The following JPT2 variants were observed in gnomAD, a reference collection of about 807,000 sequenced individuals.
JPT2 encodes Jupiter microtubule associated homolog 2.
A neutral mutation model predicts 15.9 loss-of-function variants in JPT2; 9 were observed. That is an observed-to-expected ratio of 0.57 (90% confidence interval 0.34 to 0.99). The LOEUF (loss-of-function observed/expected upper bound fraction) is 0.99, where lower values mean the gene tolerates loss of function less well. Ranked by LOEUF, JPT2 falls within the 50% of genes least tolerant of loss-of-function variation. The probability of loss-of-function intolerance (pLI) is 0.02; values close to 1 mark genes in which losing one functional copy is unlikely to be tolerated. For missense variants in JPT2, 267 were observed against 252.1 expected (o/e 1.06, Z -0.40); for synonymous variants, 95 against 91.7 (o/e 1.04, Z -0.21).
At position 1,685,563 on chromosome 16, in the gene JPT2, A is replaced by C; in HGVS notation, c.169A>C (p.Ile57Leu). 6.2e-7 allele frequency: 1 copy of C among 1,614,130 alleles called. No homozygotes were observed. Among genetic ancestry groups the C allele is most frequent in the Non-Finnish European group, 8.5e-7 (1 of 1,180,002 alleles). The change falls in exon 2 of 5, where the codon ATA becomes CTA. Residue 57 changes from isoleucine to leucine, a missense_variant. Coordinates refer to ENST00000248098, the MANE Select transcript of JPT2 (RefSeq NM_144570.3). The stretch of plus-strand genomic sequence containing the variant: ...TGGACCAACAGAAGAACCTCAGAAC[A>C]TACCCAAGAGGACAAATCCCCCAGG... Reference protein sequence around the residue: ...IFGPTEEPQNIPKRTNPPGGK... With the variant: ...IFGPTEEPQNLPKRTNPPGGK...
At chr16:1,684,828 T>C (rs960929590) in intron 1 of JPT2, among the ~76,000 whole-genome samples, 9 of 151,858 alleles carry the variant, frequency 5.9e-5, no homozygotes, top group Non-Finnish European at 1.0e-4. Context: ...GGAGAATCAC[T>C]TGAACCCAGG....
intron 1 of JPT2, 78 bp downstream of exon 1, chr16:1,678,434 A>G: frequency 1.8e-6 from 1 of 548,900 alleles, no homozygotes; most frequent in Non-Finnish European, 2.4e-6. Flanking sequence ...GGCGTCCACC[A>G]GCCGTGTGGG....
downstream of JPT2, chr16:1,702,297 T>C (rs1019410525): frequency 5.0e-5 from 20 of 402,162 alleles, no homozygotes; most frequent in African/African-American, 4.1e-4. Context: ...CGTCTTCACT[T>C]GTTCATCCAC....
intron 1 of JPT2, among the ~76,000 whole-genome samples, chr16:1,684,356 G>A (rs1477473541): frequency 6.6e-6 from 1 of 152,110 alleles, no homozygotes; most frequent in Non-Finnish European, 1.5e-5. Flanking sequence ...TGAATTCAGC[G>A]TTTCACCGGT....
intron 1 of JPT2, chr16:1,683,563 T>C: frequency 1.3e-6 from 2 of 1,535,484 alleles, no homozygotes; most frequent in Non-Finnish European, 1.7e-6. Flanking sequence ...GCCTCCTGAG[T>C]GGACAGGGGC....
chr16:1,680,478 C>T (rs1322040692), intron 1 of JPT2: 1 of 1,243,644 alleles, frequency 8.0e-7, no homozygotes, highest in Admixed American at 2.6e-5. Flanking sequence ...GAAGGAAAGC[C>T]GGTCTGAACT....
Position 1,678,321 on chromosome 16 carries a change from G to T in JPT2, c.9G>T (p.Gln3His). 2 of 1,237,814 alleles carry T rather than the reference G, an allele frequency of 1.6e-6. No homozygotes were observed. The highest frequency in any genetic ancestry group is 3.2e-5 in the East Asian group (1 of 31,522). 76.7% of individuals were successfully genotyped at this position (1,237,814 alleles called of 1,614,324 possible). A position where few individuals can be genotyped will look rare whatever the true frequency, so the allele number is the denominator to read the frequency against. ...GGGTGGCGGCGGTCGACATGTTCCA[G>T]GTCCCGGATAGCGAGGGCGGCCGCG... MF[Q>H]VPDSEGGRAG... Residue 3 changes from glutamine to histidine, a missense_variant, in exon 1 of 5, where the codon CAG becomes CAT. Transcript: ENST00000248098.
chr16:1,678,975 T>G (rs1051371342), intron 1 of JPT2, among the ~76,000 whole-genome samples: 11 of 152,212 alleles, frequency 7.2e-5, no homozygotes, highest in African/African-American at 2.4e-4. Context: ...TTCTATCTCC[T>G]GGGAAGGTGG....
chr16:1,678,526 G>A (rs1031686101), intron 1 of JPT2, among the ~76,000 whole-genome samples, 170 bp downstream of exon 1: 2 of 152,118 alleles, frequency 1.3e-5, no homozygotes, highest in African/African-American at 2.4e-5. Flanking sequence ...CCGCCAGACC[G>A]AGGCCCGAAG....
chr16:1,679,770 C>G (rs1324043771), intron 1 of JPT2, among the ~76,000 whole-genome samples: 1 of 151,050 alleles, frequency 6.6e-6, no homozygotes, highest in African/African-American at 2.4e-5. Flanking sequence ...AAATAATTAC[C>G]CGTGGCAGGG....
chr16:1,683,738 G>A (rs950861850), intron 1 of JPT2: 9 of 611,826 alleles, frequency 1.5e-5, no homozygotes, highest in East Asian at 5.8e-5. Context: ...AGCCCTCAGC[G>A]CTCTTTCTAG....
At chr16:1,685,693 A>G in intron 2 of JPT2, 106 bp downstream of exon 2, 1 of 1,219,704 alleles carries the variant, frequency 8.2e-7, no homozygotes, top group Non-Finnish European at 1.1e-6. Flanking sequence ...TGGTTCAGGT[A>G]ATCACTTGTT....
chr16:1,684,313 C>G (rs1243318042), intron 1 of JPT2, among the ~76,000 whole-genome samples: 1 of 152,176 alleles, frequency 6.6e-6, no homozygotes, highest in African/African-American at 2.4e-5. Context: ...AAGCCTCTCT[C>G]TCAAATGCAT....
At position 1,696,360 on chromosome 16, in the gene JPT2, G is replaced by A. The variant is rs112755080; in HGVS notation, c.337-1452G>A. On this transcript the variant is annotated intron_variant, in intron 3 of 4. Coordinates refer to ENST00000248098, the MANE Select transcript of JPT2 (RefSeq NM_144570.3). ...ATCCTGGCTAACATGGTGAAACCCC[G>A]TCTCTACTAAAAATACAAAAAAAGT... Among the ~76,000 whole-genome samples the A allele has an allele frequency of 6.4e-3, 972 of 151,998 alleles. 10 individuals carry two copies. The highest frequency in any genetic ancestry group is 0.022 in the African/African-American group (923 of 41,446).
At chr16:1,683,336 C>T (rs1297906329) in intron 1 of JPT2, among the ~76,000 whole-genome samples, 1 of 152,128 alleles carries the variant, frequency 6.6e-6, no homozygotes, top group African/African-American at 2.4e-5. Context: ...GTCTCGAACT[C>T]CTGGGCTCAA....
rs530937320 is a variant in JPT2 at position 1,698,875 on chromosome 16, C to T, written c.450C>T (p.Pro150=). Residue 150 remains proline (P), a synonymous_variant, in exon 5 of 5, where the codon CCC becomes CCT. Transcript: ENST00000248098. This position sits in a 1 kb window ranked among gnomAD's most constrained non-coding sequence, Gnocchi z 4.9. ...GEKGSARKAG[P]AKEQEPMPTV... ...AAGGCAGCGCCAGAAAAGCAGGCCC[C>T]GCCAAGGAGCAGGAGCCCATGCCCA... 100 of 1,614,188 alleles carry T rather than the reference C, an allele frequency of 6.2e-5. 1 individual carries two copies. The South Asian group carries it at 7.9e-4, about 13-fold the overall frequency.
At position 1,698,670 on chromosome 16, in the gene JPT2, G is replaced by A; in HGVS notation, c.386-141G>A. 2 of 811,230 alleles carry A rather than the reference G, an allele frequency of 2.5e-6. No individual in the cohort carries two copies. Among genetic ancestry groups the A allele is most frequent in the Admixed American group, 3.0e-5 (1 of 33,612 alleles). 50.3% of individuals were successfully genotyped at this position (811,230 alleles called of 1,614,324 possible). On this transcript the variant is annotated intron_variant, in intron 4 of 4. Coordinates refer to ENST00000248098, the MANE Select transcript of JPT2 (RefSeq NM_144570.3). This position sits in a 1 kb window ranked among gnomAD's most constrained non-coding sequence, Gnocchi z 4.9. Reference sequence around the variant, plus strand: ...TGTTTTGGTACCAGATGAAAAGCCTGTCTATATTGTCTTCTCTTTCCCAGT... The same window carrying A: ...TGTTTTGGTACCAGATGAAAAGCCTATCTATATTGTCTTCTCTTTCCCAGT...
At chr16:1,697,968 GC>G in intron 4 of JPT2, 108 bp downstream of exon 4, 1 of 976,576 alleles carries the variant, frequency 1.0e-6, no homozygotes, top group Non-Finnish European at 1.6e-6. Context: ...CACCTTCTGG[GC>G]CACCTGATTA....
chr16:1,679,707 A>C (rs2037005139), intron 1 of JPT2, among the ~76,000 whole-genome samples: 1 of 149,152 alleles, frequency 6.7e-6, no homozygotes, highest in African/African-American at 2.5e-5. Context: ...AAAAAAAAAA[A>C]AAACCCTTTA....
Sources: gnomAD v4.1 joint callset for allele counts (sites outside exome capture counted in the v4.1 genomes callset) on GRCh38, gnomAD v4.1.1 for gene constraint, Gnocchi (gnomAD v3.1) non-coding constraint, MANE v1.5 for transcripts, NCBI Gene and HGNC (gene_info 2026-07-23, HGNC 2026-07-21) for gene names.